The following RTN4 variants were observed in gnomAD, a reference collection of about 807,000 sequenced individuals.
The protein encoded by RTN4 is reticulon 4, also known as reticulon-4.
In RTN4, 32 loss-of-function variants were observed where a neutral mutation model predicts 90.4. That is an observed-to-expected ratio of 0.35 (90% CI 0.27 to 0.48). The LOEUF is 0.48. Ranked by LOEUF, RTN4 falls within the 20% of genes least tolerant of loss-of-function variation. The pLI is 0.99. For synonymous variants in RTN4, 629 were observed against 552.5 expected, an observed-to-expected ratio of 1.14 and a Z score of -1.94; for missense variants, 1,706 against 1,430.2, an observed-to-expected ratio of 1.19 and a Z score of -3.11.
At chr2:55,057,491 A>AATT (rs952651500) in intron 2 of RTN4, among the ~76,000 whole-genome samples, 1 of 152,148 alleles carries the variant, frequency 6.6e-6, no homozygotes, top group African/African-American at 2.4e-5. Flanking sequence ...AATCAATAGT[A>AATT]ATTATTATTA....
intron 3 of RTN4, among the ~76,000 whole-genome samples, chr2:55,007,560 T>C (rs577647559): frequency 6.6e-6 from 1 of 152,296 alleles, no homozygotes; most frequent in South Asian, 2.1e-4. Context: ...AAGTTTCTTA[T>C]TCTAGCCAAA....
chr2:55,008,142 A>AACGCAAACAC (rs1680371425), intron 3 of RTN4, among the ~76,000 whole-genome samples: 1 of 145,030 alleles, frequency 6.9e-6, no homozygotes, highest in Non-Finnish European at 1.5e-5. Context: ...TCGGCAAGCA[A>AACGCAAACAC]ACACACACAC....
At chr2:55,036,954 T>G (rs562836038) in intron 1 of RTN4, among the ~76,000 whole-genome samples, 2 of 152,270 alleles carry the variant, frequency 1.3e-5, no homozygotes, top group Non-Finnish European at 2.9e-5. Flanking sequence ...TATCTTAACT[T>G]ACAGACAACA....
intron 1 of RTN4, among the ~76,000 whole-genome samples, chr2:55,092,011 G>T (rs1668947306): frequency 6.6e-6 from 1 of 152,040 alleles, no homozygotes; most frequent in African/African-American, 2.4e-5. Flanking sequence ...CACAATTCAA[G>T]TTGAGATTTG....
chr2:55,026,812 A>C lies in RTN4; in HGVS notation c.1287T>G (p.Leu429=). 1.2e-6 allele frequency: 2 copies of C among 1,613,940 alleles called. No individual in the cohort carries two copies. Among genetic ancestry groups the C allele is most frequent in the Non-Finnish European group, 1.7e-6 (2 of 1,179,886 alleles). ...KVDKKCFADS[L]EQTNHEKDSE... is the part of the protein sequence containing the mutation. ...TATCTTTTTCGTGATTAGTTTGCTC[A>C]AGGCTATCTGCAAAACATTTTTTAT... Residue 429 remains leucine, a synonymous_variant, in exon 3 of 9, where the codon CTT becomes CTG. Coordinates refer to ENST00000337526, the MANE Select transcript of RTN4 (RefSeq NM_020532.5).
At chr2:55,022,992 T>C (rs1008103211) in intron 3 of RTN4, among the ~76,000 whole-genome samples, 4 of 151,606 alleles carry the variant, frequency 2.6e-5, no homozygotes, top group African/African-American at 9.7e-5. Context: ...CCTATCATTC[T>C]GGCATGTATT....
intron 2 of RTN4, among the ~76,000 whole-genome samples, chr2:55,058,254 A>C (rs1202109277): frequency 8.5e-5 from 13 of 152,162 alleles, no homozygotes; most frequent in Admixed American, 8.5e-4. Flanking sequence ...TGAGTGTTGC[A>C]CTACTAGAAT....
chr2:54,979,917 C>T (rs932310325), intron 5 of RTN4, among the ~76,000 whole-genome samples: 1 of 152,124 alleles, frequency 6.6e-6, no homozygotes, highest in African/African-American at 2.4e-5. Flanking sequence ...TCAGGGAAAC[C>T]AATCAAGTAC....
chr2:54,982,735 G>C (rs1249465253), intron 4 of RTN4, 82 bp from the exon 5 acceptor site: 5 of 1,415,866 alleles, frequency 3.5e-6, no homozygotes, highest in Non-Finnish European at 4.8e-6. Context: ...ATATCTGTAA[G>C]AAATTAAGAA....
chr2:55,124,643 T>C, the RTN4 span, among the ~76,000 whole-genome samples: 3 of 152,206 alleles, frequency 2.0e-5, no homozygotes, highest in Non-Finnish European at 4.4e-5. Context: ...ATACTGGCCA[T>C]AGCAATTTAC....
In RTN4 at chr2:55,072,651, T is replaced by C. The variant is rs553491693; in HGVS notation, c.-63+7838A>G. On this transcript the variant is annotated intron_variant, in intron 2 of 3. Transcript: ENST00000427710. Reference sequence around the variant, plus strand: ...TTGAGCAATTTCTTCTCTTTAATTATCACAGTACCATCTTGCTGTTCTAGA... The same window carrying C: ...TTGAGCAATTTCTTCTCTTTAATTACCACAGTACCATCTTGCTGTTCTAGA... 4.6e-5 allele frequency among the ~76,000 whole-genome samples: 7 copies of C among 152,346 alleles called. No homozygotes were observed. In the South Asian group the frequency reaches 1.4e-3, roughly 32 times the overall value.
chr2:55,024,365 AG>A (rs1367267379), intron 3 of RTN4, among the ~76,000 whole-genome samples: 1 of 152,218 alleles, frequency 6.6e-6, no homozygotes, highest in Non-Finnish European at 1.5e-5. Context: ...GTACTGCTGA[AG>A]CACCAGCACT....
chr2:55,062,795 C>T (rs1668324063), intron 2 of RTN4, among the ~76,000 whole-genome samples: 1 of 152,198 alleles, frequency 6.6e-6, no homozygotes, highest in Admixed American at 6.5e-5. Context: ...TAGCCATCTA[C>T]CTGGTCATTT....
chr2:55,105,233 T>G (rs932210936), intron 1 of RTN4, among the ~76,000 whole-genome samples: 1 of 144,908 alleles, frequency 6.9e-6, no homozygotes, highest in African/African-American at 2.6e-5. Flanking sequence ...TGAAGTTTTT[T>G]TTTTTTTTTT....
chr2:55,093,717 G>T (rs538554684), intron 1 of RTN4, among the ~76,000 whole-genome samples: 1 of 152,116 alleles, frequency 6.6e-6, no homozygotes, highest in African/African-American at 2.4e-5. Flanking sequence ...AGAGGAAAAA[G>T]GGTAAATGTC....
At chr2:55,074,193 A>G (rs1386925321) in intron 2 of RTN4, among the ~76,000 whole-genome samples, 1 of 152,216 alleles carries the variant, frequency 6.6e-6, no homozygotes, top group African/African-American at 2.4e-5. Flanking sequence ...TAGGTCAGAG[A>G]TGAATATCAT....
chr2:55,071,832 T>A (rs1032300898), intron 2 of RTN4, among the ~76,000 whole-genome samples: 2 of 152,294 alleles, frequency 1.3e-5, no homozygotes, highest in Non-Finnish European at 2.9e-5. Flanking sequence ...ATAAACAGTT[T>A]AGGAGAGAGC....
intron 3 of RTN4, among the ~76,000 whole-genome samples, chr2:55,006,853 T>C (rs1274195263): frequency 1.3e-5 from 2 of 152,104 alleles, no homozygotes; most frequent in East Asian, 3.8e-4. Context: ...CTCTAGAACC[T>C]CCTCATTTTC....
At chr2:55,105,781 G>A (rs1372546715) in intron 1 of RTN4, among the ~76,000 whole-genome samples, 4 of 152,030 alleles carry the variant, frequency 2.6e-5, no homozygotes, top group Middle Eastern at 3.4e-3. Flanking sequence ...AGACCAACCT[G>A]GGCAACATAG....
Sources: gnomAD v4.1 joint callset for allele counts (sites outside exome capture counted in the v4.1 genomes callset) on GRCh38, gnomAD v4.1.1 for gene constraint, MANE v1.5 for transcripts, NCBI Gene and HGNC (gene_info 2026-07-23, HGNC 2026-07-21) for gene names.